Variants in CNTN5 observed in about 807,000 individuals in gnomAD.
CNTN5 encodes the protein contactin 5.
CNTN5 carries 77 observed loss-of-function variants against 129.1 expected under a neutral mutation model. The observed-to-expected ratio is 0.60, with a 90% confidence interval of 0.50 to 0.72. CNTN5 has a LOEUF of 0.72. Among genes scored for constraint, CNTN5 ranks in the 30% least tolerant of loss-of-function variants. The probability of loss-of-function intolerance (pLI) is 0.00; values close to 1 mark genes in which losing one functional copy is unlikely to be tolerated. For missense variants in CNTN5, 1,478 were observed against 1,328.8 expected (o/e 1.11, Z -1.75); for synonymous variants, 509 against 465.6 (o/e 1.09, Z -1.20).
At chr11:99,980,481 G>T (rs577691638) in intron 8 of CNTN5, among the ~76,000 whole-genome samples, 1 of 152,176 alleles carries the variant, frequency 6.6e-6, no homozygotes, top group Admixed American at 6.5e-5. Context: ...ACTTACTGTG[G>T]GTACAGCCCT....
intron 9 of CNTN5, among the ~76,000 whole-genome samples, chr11:100,011,975 T>G (rs535166418): frequency 1.3e-5 from 2 of 152,298 alleles, no homozygotes; most frequent in East Asian, 3.9e-4. Context: ...TTATTAATAC[T>G]GTTTATTTGG....
chr11:99,081,963 A>G (rs945080155), intron 1 of CNTN5, among the ~76,000 whole-genome samples: 9 of 152,156 alleles, frequency 5.9e-5, no homozygotes, highest in African/African-American at 2.2e-4. Flanking sequence ...ATAACATACA[A>G]AATTTTAAAA....
At chr11:100,320,600 T>G (rs1458150235) in intron 21 of CNTN5, among the ~76,000 whole-genome samples, 1 of 152,086 alleles carries the variant, frequency 6.6e-6, no homozygotes, top group African/African-American at 2.4e-5. Context: ...TGCCTGTGGT[T>G]TTTTTTGGGT....
intron 1 of CNTN5, among the ~76,000 whole-genome samples, chr11:99,282,028 G>C (rs765324258): frequency 2.6e-5 from 4 of 151,600 alleles, no homozygotes; most frequent in African/African-American, 7.3e-5. Flanking sequence ...TTTTTGTTTT[G>C]TTTTACTGTG....
intron 1 of CNTN5, among the ~76,000 whole-genome samples, chr11:99,150,804 T>G (rs970730955): frequency 6.6e-6 from 1 of 152,116 alleles, no homozygotes; most frequent in Admixed American, 6.5e-5. Context: ...GGTTTGGGAT[T>G]AACTTTTCTT....
intron 1 of CNTN5, among the ~76,000 whole-genome samples, chr11:99,186,573 C>G (rs902755701): frequency 2.6e-5 from 4 of 151,878 alleles, no homozygotes; most frequent in Admixed American, 6.6e-5. Flanking sequence ...ATCTCATATA[C>G]CACTGTAAGA....
intron 16 of CNTN5, among the ~76,000 whole-genome samples, chr11:100,227,168 A>G (rs1449452873): frequency 1.3e-5 from 2 of 152,140 alleles, no homozygotes; most frequent in African/African-American, 4.8e-5. Context: ...GGCAAGGATT[A>G]TGTTCTTATG....
chr11:99,589,186 T>C (rs1037243722), intron 3 of CNTN5, among the ~76,000 whole-genome samples: 1 of 152,106 alleles, frequency 6.6e-6, no homozygotes, highest in Non-Finnish European at 1.5e-5. Flanking sequence ...TCTTCTTTAG[T>C]AGTGGTAAAT....
intron 7 of CNTN5, among the ~76,000 whole-genome samples, chr11:99,949,816 C>G (rs1385204402): frequency 6.6e-6 from 1 of 152,102 alleles, no homozygotes; most frequent in Admixed American, 6.6e-5. Flanking sequence ...ACTTGGAATT[C>G]ACTAGCTCAG....
At chr11:99,160,969 G>A (rs1408674570) in intron 1 of CNTN5, among the ~76,000 whole-genome samples, 1 of 152,142 alleles carries the variant, frequency 6.6e-6, no homozygotes, top group Non-Finnish European at 1.5e-5. Context: ...TGGGAAACAA[G>A]TTTACCAGGT....
At chr11:99,682,355 G>A (rs1025581848) in intron 3 of CNTN5, among the ~76,000 whole-genome samples, 9 of 151,944 alleles carry the variant, frequency 5.9e-5, no homozygotes, top group Middle Eastern at 3.4e-3. Flanking sequence ...GTACGTCATA[G>A]GTGAGTCAAA....
chr11:100,053,716 C>T (rs1943080822), intron 9 of CNTN5, among the ~76,000 whole-genome samples: 1 of 151,552 alleles, frequency 6.6e-6, no homozygotes. Flanking sequence ...AATTTCTATG[C>T]TTTTTACTTA....
At chr11:100,031,549 G>A (rs542136398) in intron 9 of CNTN5, among the ~76,000 whole-genome samples, 2 of 152,268 alleles carry the variant, frequency 1.3e-5, no homozygotes, top group Admixed American at 1.3e-4. Context: ...GGCCTCTTTA[G>A]GGTTAAGGTA....
intron 15 of CNTN5, among the ~76,000 whole-genome samples, chr11:100,202,864 A>G (rs1021117396): frequency 1.3e-5 from 2 of 151,962 alleles, no homozygotes; most frequent in African/African-American, 4.8e-5. Flanking sequence ...AACAGCCCCC[A>G]TCATCACTTG....
At chr11:99,308,466 G>C (rs995837695) in intron 1 of CNTN5, among the ~76,000 whole-genome samples, 1 of 152,132 alleles carries the variant, frequency 6.6e-6, no homozygotes, top group Non-Finnish European at 1.5e-5. Context: ...TTTTATATTG[G>C]AATGTGATAA....
In CNTN5 at chr11:99,982,487, A is replaced by AG. The variant is rs1269060087; in HGVS notation, c.878-19546dup. The stretch of plus-strand genomic sequence containing the variant: ...TTTAATTAGAATTATGTCTGTGGAA[A>AG]GAAAAAAGAAGCAACACAGAGAAGA... On this transcript the variant is annotated intron_variant, in intron 8 of 24. Coordinates refer to ENST00000524871, the MANE Select transcript of CNTN5 (RefSeq NM_014361.4). Among the ~76,000 whole-genome samples, 8 of 152,346 alleles carry AG rather than the reference A, an allele frequency of 5.3e-5. No individual in the cohort carries two copies. The East Asian group carries it at 1.3e-3, about 26-fold the overall frequency.
chr11:100,308,460 G>T lies in CNTN5; in HGVS notation c.2722G>T (p.Gly908Ter). 1 of 1,609,916 alleles carries T rather than the reference G, an allele frequency of 6.2e-7. No homozygotes were observed. ...HIKESLGRPQ[G>*]FEVGYWKDME... The stretch of plus-strand genomic sequence containing the variant: ...TAAAGAGAGTCTAGGAAGACCACAG[G>T]GATTTGAGGTATGAACAGAATGATT... The change falls in exon 21 of 25, where the codon GGA becomes TGA. Residue 908 changes from glycine to a stop codon, truncating the protein, a stop_gained. Transcript: ENST00000524871. LOFTEE classifies it high-confidence loss of function.
At chr11:100,018,931 G>T (rs1229088392) in intron 9 of CNTN5, among the ~76,000 whole-genome samples, 3 of 151,810 alleles carry the variant, frequency 2.0e-5, no homozygotes, top group African/African-American at 7.3e-5. Flanking sequence ...TGTGTTATGT[G>T]CTTATTTGAT....
chr11:100,180,166 T>C (rs1013884629), intron 13 of CNTN5, among the ~76,000 whole-genome samples: 1 of 151,306 alleles, frequency 6.6e-6, no homozygotes, highest in Non-Finnish European at 1.5e-5. Context: ...AGCAAAACTA[T>C]CTTGACGAAG....
Sources: gnomAD v4.1 joint callset for allele counts (sites outside exome capture counted in the v4.1 genomes callset) on GRCh38, gnomAD v4.1.1 for gene constraint, MANE v1.5 for transcripts, NCBI Gene and HGNC (gene_info 2026-07-23, HGNC 2026-07-21) for gene names.